Variants in TRHDE observed in about 807,000 individuals in gnomAD.
TRHDE encodes the protein thyrotropin releasing hormone degrading enzyme, also known as thyrotropin-releasing hormone-degrading ectoenzyme.
In TRHDE, 72 loss-of-function variants were observed where a neutral mutation model predicts 125.7. The ratio of observed to expected loss-of-function variants is 0.57; its 90% confidence interval spans 0.47 to 0.70. TRHDE has a LOEUF of 0.70. Among genes scored for constraint, TRHDE ranks in the 30% least tolerant of loss-of-function variants. The pLI is 0.00. For missense variants in TRHDE, 1,110 were observed against 1,327.1 expected (o/e 0.84, Z 2.54); for synonymous variants, 509 against 509.1 (o/e 1.00, Z 0.00).
intron 2 of TRHDE, among the ~76,000 whole-genome samples, chr12:72,178,114 C>G (rs1328276694): frequency 6.6e-6 from 1 of 152,032 alleles, no homozygotes; most frequent in Non-Finnish European, 1.5e-5. Context: ...GATACATCTG[C>G]CTCACAGATG....
chr12:72,224,614 T>C (rs1484826), intron 2 of TRHDE, among the ~76,000 whole-genome samples: 116,166 of 151,966 alleles, frequency 0.76, 44,692 homozygotes, highest in Non-Finnish European at 0.79. Context: ...ATGAAAGAGG[T>C]GGGGTTCTCT....
At chr12:72,629,605 CATT>C (rs1460324468) in intron 15 of TRHDE, among the ~76,000 whole-genome samples, 1 of 151,578 alleles carries the variant, frequency 6.6e-6, no homozygotes, top group African/African-American at 2.4e-5. Flanking sequence ...TAATAATAAG[CATT>C]ATTATTTGCT....
intron 2 of TRHDE, among the ~76,000 whole-genome samples, chr12:72,213,679 T>C (rs1877830763): frequency 6.6e-6 from 1 of 152,182 alleles, no homozygotes; most frequent in Non-Finnish European, 1.5e-5. Flanking sequence ...TGCCTGGATT[T>C]GTACTGGAAT....
At chr12:72,271,390 T>C (rs1879203717), upstream of TRHDE, among the ~76,000 whole-genome samples, 1 of 152,128 alleles carries the variant, frequency 6.6e-6, no homozygotes, top group Non-Finnish European at 1.5e-5. Context: ...TCTATGTTAA[T>C]AGCCAAAGGC....
At chr12:72,175,521 G>GA (rs897387163) in intron 2 of TRHDE, among the ~76,000 whole-genome samples, 5 of 152,122 alleles carry the variant, frequency 3.3e-5, no homozygotes, top group Admixed American at 6.5e-5. Context: ...GTCAGCAGAG[G>GA]AAAAAATGAA....
chr12:72,564,251 T>C (rs971501310), intron 9 of TRHDE, among the ~76,000 whole-genome samples: 4 of 152,164 alleles, frequency 2.6e-5, no homozygotes, highest in Admixed American at 1.3e-4. Context: ...CTGTCAATGC[T>C]TCTTCCCCGA....
At chr12:72,160,549 C>T (rs138230289) in intron 2 of TRHDE, among the ~76,000 whole-genome samples, 5 of 152,176 alleles carry the variant, frequency 3.3e-5, no homozygotes, top group African/African-American at 1.2e-4. Context: ...ATTAGCTGGG[C>T]TTGGTGGAGG....
chr12:72,408,393 T>C (rs1873354488), intron 3 of TRHDE, among the ~76,000 whole-genome samples: 1 of 152,176 alleles, frequency 6.6e-6, no homozygotes, highest in African/African-American at 2.4e-5. Context: ...TCAGTATCCA[T>C]AGAAACCTAG....
intron 2 of TRHDE, among the ~76,000 whole-genome samples, chr12:72,293,749 G>T (rs999328913): frequency 2.0e-4 from 31 of 152,146 alleles, no homozygotes; most frequent in Non-Finnish European, 7.3e-5. Context: ...TTTCTGGCTG[G>T]GAACCTGTGG....
At chr12:72,415,838 T>A (rs1420557112) in intron 3 of TRHDE, among the ~76,000 whole-genome samples, 2 of 152,106 alleles carry the variant, frequency 1.3e-5, no homozygotes, top group African/African-American at 2.4e-5. Flanking sequence ...AGCACTGCAG[T>A]AAACATGGGA....
At chr12:72,317,146 C>T (rs1868841667) in intron 2 of TRHDE, among the ~76,000 whole-genome samples, 1 of 152,054 alleles carries the variant, frequency 6.6e-6, no homozygotes, top group African/African-American at 2.4e-5. Context: ...AAATTAGTTG[C>T]CTATTTTTAT....
intron 15 of TRHDE, among the ~76,000 whole-genome samples, chr12:72,631,893 T>G (rs1873511552): frequency 6.6e-6 from 1 of 151,984 alleles, no homozygotes; most frequent in African/African-American, 2.4e-5. Context: ...GCCTTGTTAA[T>G]CTCAGTGTCC....
At chr12:72,598,187 A>G (rs1872059661) in intron 12 of TRHDE, among the ~76,000 whole-genome samples, 1 of 152,184 alleles carries the variant, frequency 6.6e-6, no homozygotes, top group African/African-American at 2.4e-5. Context: ...AGTTAGAATC[A>G]ACATTTTATT....
At chr12:72,123,318 A>C (rs980959362) in intron 2 of TRHDE, among the ~76,000 whole-genome samples, 2 of 152,178 alleles carry the variant, frequency 1.3e-5, no homozygotes, top group Non-Finnish European at 2.9e-5. Context: ...TATGTCAAAA[A>C]TTGTATTTGA....
At chr12:72,151,905 T>G (rs996422714) in intron 2 of TRHDE, among the ~76,000 whole-genome samples, 1 of 152,038 alleles carries the variant, frequency 6.6e-6, no homozygotes, top group African/African-American at 2.4e-5. Context: ...ATATGAACTT[T>G]AAAGTAGTTT....
chr12:72,138,125 C>A (rs1876026242), intron 2 of TRHDE, among the ~76,000 whole-genome samples: 1 of 152,042 alleles, frequency 6.6e-6, no homozygotes, highest in South Asian at 2.1e-4. Context: ...GCTTGTAATC[C>A]CAGCACTTTG....
chr12:72,458,079 A>G (rs1411134444), intron 3 of TRHDE, among the ~76,000 whole-genome samples: 2 of 152,142 alleles, frequency 1.3e-5, no homozygotes, highest in East Asian at 3.9e-4. Flanking sequence ...CGATTATGAG[A>G]ACCCCTAACA....
chr12:72,300,515 A>T (rs1880466971), intron 2 of TRHDE, among the ~76,000 whole-genome samples: 1 of 151,750 alleles, frequency 6.6e-6, no homozygotes, highest in African/African-American at 2.4e-5. Context: ...ATATATATGT[A>T]TTTAGCATCT....
chr12:72,625,215 A>G (rs554036952), intron 15 of TRHDE, among the ~76,000 whole-genome samples: 1 of 152,040 alleles, frequency 6.6e-6, no homozygotes, highest in South Asian at 2.1e-4. Flanking sequence ...GAAGTTAAAT[A>G]TGTATCATAA....
Sources: gnomAD v4.1 joint callset for allele counts (sites outside exome capture counted in the v4.1 genomes callset) on GRCh38, gnomAD v4.1.1 for gene constraint, MANE v1.5 for transcripts, NCBI Gene and HGNC (gene_info 2026-07-23, HGNC 2026-07-21) for gene names.